Variants in CNTN3 observed in about 807,000 individuals in gnomAD.
The protein encoded by CNTN3 is contactin-3.
In CNTN3, 60 loss-of-function variants were observed where a neutral mutation model predicts 119.1. The observed-to-expected ratio is 0.50, with a 90% CI of 0.41 to 0.62. CNTN3 has a LOEUF of 0.62. Among genes scored for constraint, CNTN3 ranks in the 20% least tolerant of loss-of-function variants. CNTN3 has a pLI of 0.00. For synonymous variants in CNTN3, 450 were observed against 438.7 expected (o/e 1.03, Z -0.32); for missense variants, 1,101 against 1,242.4 (o/e 0.89, Z 1.71).
chr3:74,468,694 T>G (rs900631096), intron 4 of CNTN3, among the ~76,000 whole-genome samples: 2 of 152,208 alleles, frequency 1.3e-5, no homozygotes. Flanking sequence ...TGGATTTCCA[T>G]GAATGCAACT....
Position 74,504,777 on chromosome 3 carries a change from C to G in CNTN3, c.56-4992G>C, listed in dbSNP as rs569834941. Among the ~76,000 whole-genome samples, 764 of 151,750 alleles carry G rather than the reference C, an allele frequency of 5.0e-3. 9 individuals are homozygous for G. The highest frequency in any genetic ancestry group is 0.018 in the African/African-American group (734 of 41,386). Reference sequence around the variant, plus strand: ...AGCTCCAGAGATACTTTCCACAACTCTTTGTCATTCTCGGCTGGGAAGAAG... The same window carrying G: ...AGCTCCAGAGATACTTTCCACAACTGTTTGTCATTCTCGGCTGGGAAGAAG... On this transcript the variant is annotated intron_variant, in intron 2 of 22. Transcript: ENST00000263665.
At chr3:74,425,523 T>C (rs1331892298) in intron 4 of CNTN3, among the ~76,000 whole-genome samples, 1 of 152,140 alleles carries the variant, frequency 6.6e-6, no homozygotes, top group Admixed American at 6.6e-5. Flanking sequence ...GTGTCTAAAA[T>C]GGCATGAACT....
chr3:74,384,508 A>T (rs1399105209), intron 5 of CNTN3, among the ~76,000 whole-genome samples: 1 of 152,232 alleles, frequency 6.6e-6, no homozygotes, highest in African/African-American at 2.4e-5. Flanking sequence ...ATGCTCATTG[A>T]TTCTCTTTCA....
intron 11 of CNTN3, among the ~76,000 whole-genome samples, chr3:74,357,905 G>A (rs552243125): frequency 9.1e-4 from 138 of 152,002 alleles, no homozygotes; most frequent in Non-Finnish European, 1.8e-3. Flanking sequence ...CATTTTTAAA[G>A]TTGTAACAAT....
At chr3:74,353,563 C>A (rs559161647) in intron 11 of CNTN3, among the ~76,000 whole-genome samples, 3 of 151,958 alleles carry the variant, frequency 2.0e-5, no homozygotes, top group Non-Finnish European at 2.9e-5. Flanking sequence ...GAGACCATCC[C>A]GGCTAACACG....
chr3:74,451,741 A>C (rs1409610824), intron 4 of CNTN3, among the ~76,000 whole-genome samples: 3 of 150,534 alleles, frequency 2.0e-5, no homozygotes, highest in African/African-American at 7.4e-5. Flanking sequence ...ATGGCTAGCC[A>C]GTTTTCCCAG....
intron 20 of CNTN3, among the ~76,000 whole-genome samples, chr3:74,268,175 C>T (rs1415641095): frequency 6.6e-6 from 1 of 152,076 alleles, no homozygotes; most frequent in African/African-American, 2.4e-5. Context: ...AGTTCCTTTT[C>T]GTGAACGCTG....
chr3:74,329,616 A>C (rs542016613), intron 13 of CNTN3, among the ~76,000 whole-genome samples: 9 of 152,286 alleles, frequency 5.9e-5, no homozygotes, highest in Admixed American at 4.6e-4. Context: ...GTAAAATCAT[A>C]CTTAAATTAC....
intron 4 of CNTN3, among the ~76,000 whole-genome samples, chr3:74,425,319 A>G (rs1701679026): frequency 6.6e-6 from 1 of 152,196 alleles, no homozygotes; most frequent in Non-Finnish European, 1.5e-5. Flanking sequence ...TCTTCTGCTT[A>G]TAAGTGAGAA....
At chr3:74,456,762 T>C (rs1037604050) in intron 4 of CNTN3, among the ~76,000 whole-genome samples, 1 of 152,126 alleles carries the variant, frequency 6.6e-6, no homozygotes, top group Admixed American at 6.6e-5. Context: ...GCTGTGATTT[T>C]TCCTTGTTAT....
chr3:74,293,921 C>T (rs907124632), intron 19 of CNTN3, among the ~76,000 whole-genome samples: 2 of 152,208 alleles, frequency 1.3e-5, no homozygotes, highest in African/African-American at 4.8e-5. Context: ...CTAAATTTGA[C>T]ACACTACTGC....
At chr3:74,452,997 C>T (rs1276123528) in intron 4 of CNTN3, among the ~76,000 whole-genome samples, 2 of 151,524 alleles carry the variant, frequency 1.3e-5, no homozygotes, top group African/African-American at 4.9e-5. Context: ...TGTGTCTCTG[C>T]CCAGCTTTGG....
chr3:74,381,181 T>C (rs924225285), intron 5 of CNTN3, among the ~76,000 whole-genome samples: 1 of 150,544 alleles, frequency 6.6e-6, no homozygotes, highest in Non-Finnish European at 1.5e-5. Context: ...TTAAACACCA[T>C]TAAAAAAAAC....
intron 4 of CNTN3, among the ~76,000 whole-genome samples, chr3:74,463,390 G>T (rs1702406595): frequency 6.6e-6 from 1 of 152,100 alleles, no homozygotes; most frequent in Admixed American, 6.6e-5. Context: ...TAAAAGCTGG[G>T]TATGTAAGTA....
At chr3:74,351,451 A>G (rs1454139677) in intron 11 of CNTN3, among the ~76,000 whole-genome samples, 2 of 152,222 alleles carry the variant, frequency 1.3e-5, no homozygotes, top group East Asian at 1.9e-4. Flanking sequence ...GCCAAGGCTC[A>G]GGAATTATGT....
At chr3:74,593,722 C>T (rs757224883) in intron 1 of CNTN3, among the ~76,000 whole-genome samples, 10 of 152,014 alleles carry the variant, frequency 6.6e-5, no homozygotes, top group South Asian at 4.1e-4. Flanking sequence ...AAATTGTTTA[C>T]GGGTCTGTTT....
intron 1 of CNTN3, among the ~76,000 whole-genome samples, chr3:74,542,802 C>T (rs552565677): frequency 1.7e-5 from 2 of 114,768 alleles, no homozygotes; most frequent in African/African-American, 6.8e-5. Context: ...TCTCTCATGG[C>T]TTTATATTTT....
chr3:74,532,606 G>A (rs1440918552), intron 1 of CNTN3, among the ~76,000 whole-genome samples: 3 of 152,108 alleles, frequency 2.0e-5, no homozygotes, highest in Admixed American at 2.0e-4. Flanking sequence ...CACAGGTGGG[G>A]AGCGTCCACA....
intron 2 of CNTN3, among the ~76,000 whole-genome samples, chr3:74,517,019 G>A (rs894506860): frequency 2.3e-4 from 35 of 151,750 alleles, no homozygotes; most frequent in African/African-American, 8.2e-4. Flanking sequence ...CTTCCTGAGG[G>A]CCCCAGAGGA....
Sources: gnomAD v4.1 joint callset for allele counts (sites outside exome capture counted in the v4.1 genomes callset) on GRCh38, gnomAD v4.1.1 for gene constraint, MANE v1.5 for transcripts, NCBI Gene and HGNC (gene_info 2026-07-23, HGNC 2026-07-21) for gene names.